DMRT2: variants seen among roughly 807,000 people sequenced by gnomAD.
The protein encoded by DMRT2 is doublesex- and mab-3-related transcription factor 2.
Under a neutral mutation model 43.5 loss-of-function variants are expected in DMRT2, and 33 were observed. The ratio of observed to expected loss-of-function variants is 0.76; its 90% CI spans 0.58 to 1.01. The LOEUF is 1.01. Ranked by LOEUF, DMRT2 falls within the 50% of genes least tolerant of loss-of-function variation. DMRT2 has a pLI of 0.00. For synonymous variants in DMRT2, 395 were observed against 309.2 expected (o/e 1.28, Z -2.91); for missense variants, 1,064 against 748.0 (o/e 1.42, Z -4.93).
chr9:1,056,414 C>G lies in DMRT2; in HGVS notation c.827C>G (p.Pro276Arg). Reference protein sequence around the residue: ...AALFLPNRMVPGPDYNSYKSA... With the variant: ...AALFLPNRMVRGPDYNSYKSA... ...CTGTTTCTGCCCAACCGCATGGTGCCTGGACCTGACTACAATTCCTACAAA... is the reference window on the plus strand; with the variant it reads ...CTGTTTCTGCCCAACCGCATGGTGCGTGGACCTGACTACAATTCCTACAAA... The change falls in exon 4 of 4, where the codon CCT (proline) becomes CGT (arginine). Residue 276 changes from proline (P) to arginine (R), a missense_variant. Transcript: ENST00000358146. The G allele has an allele frequency of 6.2e-7, 1 of 1,614,220 alleles. No individual in the cohort carries two copies. Among genetic ancestry groups the G allele is most frequent in the African/African-American group, 1.3e-5 (1 of 75,054 alleles).
At chr9:1,052,722 G>T (rs6474550) in intron 2 of DMRT2, among the ~76,000 whole-genome samples, 66,922 of 151,958 alleles carry the variant, frequency 0.44, 16,506 homozygotes, top group African/African-American at 0.67. Flanking sequence ...TAAGAGCAAG[G>T]GGAGGGTCTC....
intron 3 of DMRT2, chr9:1,055,682 C>A: frequency 6.9e-7 from 1 of 1,458,038 alleles, no homozygotes; most frequent in Non-Finnish European, 9.1e-7. Context: ...TTTCTACTCG[C>A]TAATCTCCTT....
In DMRT2 at chr9:1,056,964, C is replaced by T; in HGVS notation, c.1377C>T (p.Asn459=). Residue 459 remains asparagine (N), a synonymous_variant, in exon 4 of 4, where the codon AAC becomes AAT. Coordinates refer to ENST00000358146, the MANE Select transcript of DMRT2 (RefSeq NM_181872.6). The part of the protein sequence containing the change: ...GHVLTKISKE[N]TRHPLPLRHN... ...TCTTAACGAAGATCAGCAAAGAAAA[C>T]ACCAGGCACCCTCTGCCACTTAGAC... 1.2e-6 allele frequency: 2 copies of T among 1,614,198 alleles called. No individual in the cohort carries two copies. The highest frequency in any genetic ancestry group is 1.7e-6 in the Non-Finnish European group (2 of 1,180,028).
At chr9:1,056,084 TA>T (rs1198608433) in intron 3 of DMRT2, 131 bp from the exon 4 acceptor site, 1 of 1,481,982 alleles carries the variant, frequency 6.7e-7, no homozygotes, top group Non-Finnish European at 8.9e-7. Context: ...TGCATCTGTA[TA>T]AAAATATCAG....
intron 3 of DMRT2, 67 bp downstream of exon 3, chr9:1,053,891 AGT>A: frequency 7.4e-7 from 1 of 1,354,452 alleles, no homozygotes; most frequent in South Asian, 1.2e-5. Context: ...ATCAGCACAA[AGT>A]GTGTTTATTA....
intron 3 of DMRT2, chr9:1,055,721 G>C (rs758567170): frequency 6.9e-7 from 1 of 1,453,408 alleles, no homozygotes; most frequent in Non-Finnish European, 9.2e-7. Flanking sequence ...TTTTTTCCTA[G>C]TTCTCCTTGG....
Position 1,051,473 on chromosome 9 carries a change from G to T in DMRT2, c.-44-97G>T. On this transcript the variant is annotated intron_variant, in intron 1 of 3. Transcript: ENST00000358146. The surrounding 1 kb of genome is among the most constrained non-coding windows in gnomAD (Gnocchi z 5.9). Reference sequence around the variant, plus strand: ...GTAATGAGAACAGGATGACTCAAGCGGCCGGAGGCGGGCAGACCAGGAGCT... The same window carrying T: ...GTAATGAGAACAGGATGACTCAAGCTGCCGGAGGCGGGCAGACCAGGAGCT... 1 of 1,363,052 alleles carries T rather than the reference G, an allele frequency of 7.3e-7. No homozygotes were observed. Among genetic ancestry groups the T allele is most frequent in the Non-Finnish European group, 9.5e-7 (1 of 1,054,268 alleles). The allele number at this position is 1,363,052 out of a possible 1,614,324, so 84.4% of individuals were successfully genotyped here.
chr9:1,052,938 G>C (rs1257026554), intron 2 of DMRT2: 3 of 152,364 alleles, frequency 2.0e-5, no homozygotes, highest in African/African-American at 7.2e-5. Flanking sequence ...GAGCTGGGGA[G>C]TGGATCGCCA....
rs777960815 is a variant in DMRT2, at chr9:1,056,504, G to T, written c.917G>T (p.Cys306Phe). The change falls in exon 4 of 4, where the codon TGC becomes TTC. Residue 306 changes from cysteine (C) to phenylalanine (F), a missense_variant. By Grantham distance (205) the Cys-to-Phe change is radical. Coordinates refer to ENST00000358146, the MANE Select transcript of DMRT2 (RefSeq NM_181872.6). Reference sequence around the variant, plus strand: ...GACTTCTGTAATTTTTTGCCCACCTGCCTTGATTTAACCATGCAGTATTCA... The same window carrying T: ...GACTTCTGTAATTTTTTGCCCACCTTCCTTGATTTAACCATGCAGTATTCA... ...SKDFCNFLPT[C>F]LDLTMQYSGS... 1.2e-6 allele frequency: 2 copies of T among 1,614,184 alleles called. No homozygotes were observed. The highest frequency in any genetic ancestry group is 2.2e-5 in the South Asian group (2 of 91,084).
chr9:1,055,847 T>A, intron 3 of DMRT2: 2 of 1,519,450 alleles, frequency 1.3e-6, no homozygotes, highest in Non-Finnish European at 1.7e-6. Flanking sequence ...TGGATAATAA[T>A]AAAACATTGA....
Position 1,057,444 on chromosome 9 carries a change from T to A in DMRT2, c.*171T>A. 1 of 694,870 alleles carries A rather than the reference T, an allele frequency of 1.4e-6. No individual in the cohort carries two copies. Among genetic ancestry groups the A allele is most frequent in the Non-Finnish European group, 2.3e-6 (1 of 438,916 alleles). The allele number at this position is 694,870 out of a possible 1,614,324, so 43.0% of individuals were successfully genotyped here. A position where few individuals can be genotyped will look rare whatever the true frequency, so the allele number is the denominator to read the frequency against. On this transcript the variant is annotated 3_prime_UTR_variant, in exon 4 of 4. Transcript: ENST00000358146. ...TGCATGTACTTTTTCTTATCACATA[T>A]ATTTAAACTTACAGATGGAAATTGC...
At chr9:1,052,293 G>A (rs146588077) in intron 2 of DMRT2, among the ~76,000 whole-genome samples, 155 bp downstream of exon 2, 1 of 152,254 alleles carries the variant, frequency 6.6e-6, no homozygotes, top group Non-Finnish European at 1.5e-5. Context: ...GCTTGCACTG[G>A]CGAGCAGGGT....
At position 1,053,821 on chromosome 9, in the gene DMRT2, GA is replaced by G; in HGVS notation, c.627del (p.Gly210AlafsTer11). ...CAGTTTGCTGGCCAAAAGCATTTTA[GA>G]AGGTAAAGCAACAAAATTATCCTTC... The part of the protein sequence containing the change: ...APSLLAKSIL[E>X]GYRPIPAETY... On this transcript the variant is annotated frameshift_variant and splice_region_variant, in exon 3 of 4. Coordinates refer to ENST00000358146, the MANE Select transcript of DMRT2 (RefSeq NM_181872.6). LOFTEE classifies it high-confidence loss of function. The G allele has an allele frequency of 2.5e-6, 4 of 1,613,948 alleles. No individual in the cohort carries two copies. Among genetic ancestry groups the G allele is most frequent in the Non-Finnish European group, 3.4e-6 (4 of 1,179,866 alleles).
In DMRT2 at chr9:1,057,437, T is replaced by C. The variant is rs1003674743; in HGVS notation, c.*164T>C. On this transcript the variant is annotated 3_prime_UTR_variant, in exon 4 of 4. Coordinates refer to ENST00000358146, the MANE Select transcript of DMRT2 (RefSeq NM_181872.6). ...CCTAATATGCATGTACTTTTTCTTA[T>C]CACATATATTTAAACTTACAGATGG... 1.2e-5 allele frequency: 9 copies of C among 725,448 alleles called. No individual in the cohort carries two copies. In the African/African-American group the frequency reaches 1.4e-4, roughly 11 times the overall value. The allele number at this position is 725,448 out of a possible 1,614,324, so 44.9% of individuals were successfully genotyped here.
chr9:1,051,788 G>A lies in DMRT2; in HGVS notation c.175G>A (p.Ala59Thr), dbSNP rs763655980. 2.6e-6 allele frequency: 4 copies of A among 1,511,898 alleles called. No homozygotes were observed. The highest frequency in any genetic ancestry group is 4.3e-5 in the Admixed American group (2 of 47,014). 93.7% of individuals were successfully genotyped at this position (1,511,898 alleles called of 1,614,324 possible). ...DEDDDGVDED[A>T]EEEGDGEEAG... The stretch of plus-strand genomic sequence containing the variant: ...AGATGACGACGGGGTGGACGAAGAC[G>A]CGGAAGAAGAGGGCGACGGCGAGGA... The change falls in exon 2 of 4, where the codon GCG becomes ACG. Residue 59 changes from alanine to threonine, a missense_variant. By Grantham distance (58) the Ala-to-Thr change is moderately conservative. Transcript: ENST00000358146. The surrounding 1 kb of genome is among the most constrained non-coding windows in gnomAD (Gnocchi z 5.9).
At chr9:1,052,420 G>GT (rs1821662575) in intron 2 of DMRT2, among the ~76,000 whole-genome samples, 1 of 152,046 alleles carries the variant, frequency 6.6e-6, no homozygotes, top group Non-Finnish European at 1.5e-5. Flanking sequence ...GAAAATCAAT[G>GT]TTTTTATTTT....
Position 1,052,091 on chromosome 9 carries a change from C to T in DMRT2, c.478C>T (p.Arg160Cys), listed in dbSNP as rs1821634252. ...ANCLLVVERQ[R>C]VMAAQVALRR... ...CTGCCTGCTGGTGGTGGAGCGGCAG[C>T]GCGTCATGGCCGCCCAGGTGGCGCT... Residue 160 changes from arginine to cysteine, a missense_variant, in exon 2 of 4, where the codon CGC becomes TGC. Arg to Cys is a radical substitution (Grantham distance 180). Transcript: ENST00000358146. 1 of 1,446,338 alleles carries T rather than the reference C, an allele frequency of 6.9e-7. No homozygotes were observed. Among genetic ancestry groups the T allele is most frequent in the Non-Finnish European group, 9.0e-7 (1 of 1,106,596 alleles). 89.6% of individuals were successfully genotyped at this position (1,446,338 alleles called of 1,614,324 possible). A position where few individuals can be genotyped will look rare whatever the true frequency, so the allele number is the denominator to read the frequency against.
Position 1,053,718 on chromosome 9 carries a change from A to T in DMRT2, c.526-4A>T. 6.2e-7 allele frequency: 1 copy of T among 1,611,108 alleles called. No homozygotes were observed. Among genetic ancestry groups the T allele is most frequent in the Non-Finnish European group, 8.5e-7 (1 of 1,178,258 alleles). ...ATTATTGATGATGTTTCTTGTGTTT[A>T]CAGGACAAGAAGGGGCTTTCCGGGA... is the stretch of plus-strand genomic sequence containing the variant. On this transcript the variant is annotated splice_polypyrimidine_tract_variant and splice_region_variant and intron_variant, in intron 2 of 3. Coordinates refer to ENST00000358146, the MANE Select transcript of DMRT2 (RefSeq NM_181872.6).
In DMRT2 at chr9:1,057,022, C is replaced by T; in HGVS notation, c.1435C>T (p.Leu479Phe). Residue 479 changes from leucine (L) to phenylalanine (F), a missense_variant, in exon 4 of 4, where the codon CTT becomes TTT. Transcript: ENST00000358146. ...NPFHSLFQQT[L>F]TDKSGPELKT... ...ATTCCACTCATTATTCCAGCAAACA[C>T]TTACTGACAAATCGGGTCCTGAGTT... 1 of 1,614,212 alleles carries T rather than the reference C, an allele frequency of 6.2e-7. No individual in the cohort carries two copies. Among genetic ancestry groups the T allele is most frequent in the Non-Finnish European group, 8.5e-7 (1 of 1,180,038 alleles).
Sources: gnomAD v4.1 joint callset for allele counts (sites outside exome capture counted in the v4.1 genomes callset) on GRCh38, gnomAD v4.1.1 for gene constraint, Gnocchi (gnomAD v3.1) non-coding constraint, MANE v1.5 for transcripts, NCBI Gene and HGNC (gene_info 2026-07-23, HGNC 2026-07-21) for gene names.